RBFOX1: variants seen among roughly 807,000 people sequenced by gnomAD.
RBFOX1 encodes the protein RNA binding fox-1 homolog 1.
Under a neutral mutation model 57.7 loss-of-function variants are expected in RBFOX1, and 8 were observed. The observed-to-expected ratio is 0.14, with a 90% CI of 0.08 to 0.25. The LOEUF is 0.25. Among genes scored for constraint, RBFOX1 ranks in the 10% least tolerant of loss-of-function variants. The pLI, the probability that RBFOX1 is intolerant of heterozygous loss-of-function variation, is 1.00. For synonymous variants in RBFOX1, 326 were observed against 222.4 expected (o/e 1.47, Z -4.15); for missense variants, 611 against 548.5 (o/e 1.11, Z -1.14).
intron 1 of RBFOX1, among the ~76,000 whole-genome samples, chr16:6,315,201 G>T (rs73523292): frequency 0.016 from 2,416 of 152,364 alleles, 55 homozygotes; most frequent in African/African-American, 0.054. Flanking sequence ...ACAAAGAAAG[G>T]TTGAGTGACT....
At chr16:5,358,988 C>A (rs2065470406) in intron 1 of RBFOX1, among the ~76,000 whole-genome samples, 1 of 152,180 alleles carries the variant, frequency 6.6e-6, no homozygotes, top group African/African-American at 2.4e-5. Flanking sequence ...CTCTGGTGGC[C>A]ATCCTTCTAC....
intron 3 of RBFOX1, among the ~76,000 whole-genome samples, chr16:6,954,514 G>A (rs9929733): frequency 1.3e-5 from 2 of 152,064 alleles, no homozygotes; most frequent in East Asian, 1.9e-4. Flanking sequence ...AATAAAAAGG[G>A]GGTAGTTGGG....
intron 3 of RBFOX1, among the ~76,000 whole-genome samples, chr16:6,864,604 C>T (rs1197945915): frequency 6.0e-5 from 9 of 149,116 alleles, no homozygotes; most frequent in South Asian, 2.1e-4. Flanking sequence ...GATGTGTCAA[C>T]GGCAGGATAT....
intron 4 of RBFOX1, among the ~76,000 whole-genome samples, chr16:7,210,764 C>G (rs1477027782): frequency 6.6e-6 from 1 of 152,070 alleles, no homozygotes; most frequent in Non-Finnish European, 1.5e-5. Flanking sequence ...GGTTAAATGA[C>G]ATGTCCAAGG....
Position 7,599,023 on chromosome 16 carries a change from A to G in RBFOX1, c.622+1592A>G, listed in dbSNP as rs184994272. Among the ~76,000 whole-genome samples the G allele has an allele frequency of 5.4e-4, 83 of 152,360 alleles. 1 individual carries two copies. Among genetic ancestry groups the G allele is most frequent in the Non-Finnish European group, 1.0e-3 (71 of 68,036 alleles). On this transcript the variant is annotated intron_variant, in intron 9 of 15. Coordinates refer to ENST00000550418, the MANE Select transcript of RBFOX1 (RefSeq NM_018723.4). ...AACAGGGACATACCGTCTATATAATAGGGCTCTAAGTTGAAAGACCAGAAG... is the reference window on the plus strand; with the variant it reads ...AACAGGGACATACCGTCTATATAATGGGGCTCTAAGTTGAAAGACCAGAAG...
At chr16:7,387,855 A>G (rs545184836) in intron 4 of RBFOX1, among the ~76,000 whole-genome samples, 4 of 152,236 alleles carry the variant, frequency 2.6e-5, no homozygotes, top group African/African-American at 7.2e-5. Flanking sequence ...TTCTTTGATT[A>G]TTTTAATGTG....
At chr16:7,156,546 T>C (rs2077185469) in intron 4 of RBFOX1, among the ~76,000 whole-genome samples, 1 of 152,108 alleles carries the variant, frequency 6.6e-6, no homozygotes, top group South Asian at 2.1e-4. Context: ...CATATGCATG[T>C]AGATATACAT....
intron 1 of RBFOX1, among the ~76,000 whole-genome samples, chr16:6,276,280 C>G (rs1042095934): frequency 6.6e-6 from 1 of 152,092 alleles, no homozygotes. Flanking sequence ...CGGAAGTGGT[C>G]GTTTTTTGTC....
At chr16:5,410,045 C>G (rs1256788706) in intron 1 of RBFOX1, among the ~76,000 whole-genome samples, 2 of 92,266 alleles carry the variant, frequency 2.2e-5, no homozygotes, top group South Asian at 6.8e-4. Context: ...AAGACTCCAT[C>G]TCAAAAAAAA....
At position 6,860,030 on chromosome 16, in the gene RBFOX1, T is replaced by G. The variant is rs2058720127; in HGVS notation, c.-15-192027T>G. On this transcript the variant is annotated intron_variant, in intron 3 of 15. Transcript: ENST00000550418. Reference sequence around the variant, plus strand: ...AGTGTAGGAGTTAACACCACAAGGGTACCTGATGGAACGAGCTATAATACC... The same window carrying G: ...AGTGTAGGAGTTAACACCACAAGGGGACCTGATGGAACGAGCTATAATACC... 3.9e-5 allele frequency among the ~76,000 whole-genome samples: 6 copies of G among 152,158 alleles called. No individual in the cohort carries two copies. The South Asian group carries it at 1.2e-3, about 32-fold the overall frequency.
intron 4 of RBFOX1, among the ~76,000 whole-genome samples, chr16:6,008,275 T>C (rs2094939198): frequency 7.3e-6 from 1 of 137,044 alleles, no homozygotes; most frequent in Admixed American, 8.5e-5. Context: ...ATGGAGCAGT[T>C]CAGAAGCAGG....
chr16:5,331,233 G>C (rs1249838724), intron 1 of RBFOX1, among the ~76,000 whole-genome samples: 3 of 152,204 alleles, frequency 2.0e-5, no homozygotes, highest in Non-Finnish European at 2.9e-5. Flanking sequence ...AGCTCGGGAA[G>C]GTTTGCTAAA....
At chr16:5,431,571 C>T (rs970585700) in intron 1 of RBFOX1, among the ~76,000 whole-genome samples, 1 of 152,044 alleles carries the variant, frequency 6.6e-6, no homozygotes, top group Non-Finnish European at 1.5e-5. Flanking sequence ...GACGGGGTTT[C>T]ACCATGTTGG....
chr16:6,828,015 C>T (rs1216456374), intron 3 of RBFOX1, among the ~76,000 whole-genome samples: 2 of 152,144 alleles, frequency 1.3e-5, no homozygotes, highest in Admixed American at 6.5e-5. Context: ...TTTTCCCCAG[C>T]ACAGAGCTCA....
chr16:5,605,567 G>A (rs1163196252), intron 3 of RBFOX1, among the ~76,000 whole-genome samples: 4 of 152,028 alleles, frequency 2.6e-5, no homozygotes, highest in Admixed American at 2.6e-4. Flanking sequence ...TGTCTGCCAT[G>A]GGTCTGGGAG....
chr16:5,500,226 C>CGTTCT (rs1342771774), intron 2 of RBFOX1, among the ~76,000 whole-genome samples: 9 of 148,814 alleles, frequency 6.0e-5, no homozygotes, highest in Admixed American at 1.3e-4. Context: ...CGTTCCGTTC[C>CGTTCT]GTTCCATTCC....
chr16:5,717,335 T>C (rs899798834), intron 3 of RBFOX1, among the ~76,000 whole-genome samples: 2 of 152,176 alleles, frequency 1.3e-5, no homozygotes, highest in Admixed American at 1.3e-4. Flanking sequence ...TATCTTTTTT[T>C]CTTAATACAG....
intron 4 of RBFOX1, among the ~76,000 whole-genome samples, chr16:7,367,992 C>T (rs1171299821): frequency 2.6e-5 from 4 of 152,026 alleles, no homozygotes; most frequent in Non-Finnish European, 4.4e-5. Flanking sequence ...GAGAGCCAGG[C>T]ATGGTGTCTT....
rs137934155 is a variant in RBFOX1, at chr16:7,597,039, T to G, written c.562-332T>G. Among the ~76,000 whole-genome samples the G allele has an allele frequency of 3.6e-3, 554 of 152,330 alleles. 1 individual carries two copies. Among genetic ancestry groups the G allele is most frequent in the Non-Finnish European group, 5.8e-3 (397 of 68,028 alleles). ...TTTTATTTTATGTTTAAAAAATATT[T>G]CTTGTTTCTGTGTTACCATGGAGTA... On this transcript the variant is annotated intron_variant, in intron 8 of 15. Transcript: ENST00000550418.
Sources: gnomAD v4.1 joint callset for allele counts (sites outside exome capture counted in the v4.1 genomes callset) on GRCh38, gnomAD v4.1.1 for gene constraint, MANE v1.5 for transcripts, NCBI Gene and HGNC (gene_info 2026-07-23, HGNC 2026-07-21) for gene names.